NXPE2: variants seen among roughly 807,000 people sequenced by gnomAD.
NXPE2 encodes the protein NXPE family member 2.
NXPE2 carries 34 observed loss-of-function variants against 34.4 expected under a neutral mutation model. The observed-to-expected ratio is 0.99, with a 90% CI of 0.75 to 1.31. NXPE2 has a LOEUF of 1.31. NXPE2 is among the 40% of genes most tolerant of loss of function. The pLI is 0.00. For synonymous variants in NXPE2, 235 were observed against 231.3 expected, an observed-to-expected ratio of 1.02 and a Z score of -0.15; for missense variants, 649 against 672.5, an observed-to-expected ratio of 0.97 and a Z score of 0.39.
At chr11:114,721,411 G>A in the NXPE2 span, among the ~76,000 whole-genome samples, 1 of 152,130 alleles carries the variant, frequency 6.6e-6, no homozygotes, top group Non-Finnish European at 1.5e-5. Context: ...GTGTTGGTGG[G>A]TTTGTAACTA....
chr11:114,580,888 A>C, the NXPE2 span, among the ~76,000 whole-genome samples: 2 of 152,210 alleles, frequency 1.3e-5, no homozygotes, highest in African/African-American at 2.4e-5. Flanking sequence ...CCCCTCAGTC[A>C]CTGGTTTAGA....
chr11:114,730,720 T>C, the NXPE2 span, among the ~76,000 whole-genome samples: 1 of 152,152 alleles, frequency 6.6e-6, no homozygotes, highest in Non-Finnish European at 1.5e-5. Context: ...TGTATAGAAA[T>C]GTTACTGATT....
At chr11:114,658,431 G>A in the NXPE2 span, among the ~76,000 whole-genome samples, 2 of 152,128 alleles carry the variant, frequency 1.3e-5, no homozygotes, top group Non-Finnish European at 2.9e-5. Context: ...TCTTTGTTTT[G>A]GACCTCCACT....
chr11:114,488,614 TACATA>T, the NXPE2 span, among the ~76,000 whole-genome samples: 1 of 152,172 alleles, frequency 6.6e-6, no homozygotes, highest in Non-Finnish European at 1.5e-5. Context: ...GACTACTGGA[TACATA>T]ACGAAATGAA....
the NXPE2 span, among the ~76,000 whole-genome samples, chr11:114,496,858 GTTAC>G: frequency 5.3e-5 from 8 of 152,128 alleles, no homozygotes; most frequent in East Asian, 1.9e-4. Flanking sequence ...GTAGTGTAAT[GTTAC>G]TTACGTCTTT....
chr11:114,537,984 C>G, the NXPE2 span, among the ~76,000 whole-genome samples: 1 of 152,126 alleles, frequency 6.6e-6, no homozygotes, highest in Non-Finnish European at 1.5e-5. Context: ...AATCCTAAGC[C>G]AAAAGAACAA....
At position 114,698,674 on chromosome 11, in the gene NXPE2, CTGT is replaced by C. The variant is rs769169962; in HGVS notation, c.763_765del (p.Cys255del). ...ATGACAGAGACCAAGAAGCCTTCTA[CTGT>C]GTGAGGCCTCAACATATGCCCTGTG... On this transcript the variant is annotated inframe_deletion, in exon 3 of 6. Transcript: ENST00000389586. The C allele has an allele frequency of 1.9e-6, 3 of 1,614,094 alleles. No homozygotes were observed. The African/African-American group carries it at 4.0e-5, about 22-fold the overall frequency.
the NXPE2 span, among the ~76,000 whole-genome samples, chr11:114,580,947 G>A: frequency 8.8e-4 from 134 of 152,280 alleles, no homozygotes; most frequent in Non-Finnish European, 1.6e-3. Flanking sequence ...TGAGGAGCCC[G>A]TGGCAGGTTT....
At chr11:114,802,090 GA>G in the NXPE2 span, among the ~76,000 whole-genome samples, 1 of 152,178 alleles carries the variant, frequency 6.6e-6, no homozygotes, top group African/African-American at 2.4e-5. Flanking sequence ...GAACCTTGGG[GA>G]TGCCAAGATT....
the NXPE2 span, chr11:114,570,821 G>T: frequency 1.5e-6 from 1 of 665,198 alleles, no homozygotes; most frequent in Non-Finnish European, 2.5e-6. Context: ...CAGCCATAAT[G>T]TAGATTCTCT....
chr11:114,466,862 A>G, the NXPE2 span, among the ~76,000 whole-genome samples: 4 of 152,140 alleles, frequency 2.6e-5, no homozygotes, highest in Admixed American at 6.6e-5. Context: ...TGCAGGGGGA[A>G]GATGGTCATT....
chr11:114,618,192 G>A, the NXPE2 span, among the ~76,000 whole-genome samples: 1 of 152,020 alleles, frequency 6.6e-6, no homozygotes, highest in Non-Finnish European at 1.5e-5. Context: ...TGGATACTAA[G>A]TATTGCCTCA....
chr11:114,513,557 A>G, the NXPE2 span: 2 of 160,172 alleles, frequency 1.2e-5, no homozygotes, highest in Admixed American at 6.3e-5. Flanking sequence ...TTATTCATAT[A>G]TAACTACTGA....
At chr11:114,554,315 T>A in the NXPE2 span, 1 of 984,648 alleles carries the variant, frequency 1.0e-6, no homozygotes, top group Non-Finnish European at 1.2e-6. Flanking sequence ...GTGCCATACC[T>A]CCTCCAGGTT....
At chr11:114,551,778 G>C in the NXPE2 span, among the ~76,000 whole-genome samples, 1 of 152,050 alleles carries the variant, frequency 6.6e-6, no homozygotes, top group Non-Finnish European at 1.5e-5. Context: ...ATCCAATAAG[G>C]CTGGGCACTG....
chr11:114,598,881 G>A, the NXPE2 span, among the ~76,000 whole-genome samples: 1 of 152,134 alleles, frequency 6.6e-6, no homozygotes, highest in Non-Finnish European at 1.5e-5. Context: ...CCCTGTGGAA[G>A]CTACCAAGGC....
the NXPE2 span, among the ~76,000 whole-genome samples, chr11:114,608,948 T>C: frequency 6.6e-6 from 1 of 151,274 alleles, no homozygotes; most frequent in Non-Finnish European, 1.5e-5. Flanking sequence ...GTAACCACTG[T>C]TACCCTGTGG....
the NXPE2 span, among the ~76,000 whole-genome samples, chr11:114,785,849 T>C: frequency 3.9e-5 from 6 of 152,208 alleles, no homozygotes; most frequent in Non-Finnish European, 5.9e-5. Context: ...CAGGGCACCA[T>C]AAAGCAATTA....
chr11:114,633,573 A>G, the NXPE2 span, among the ~76,000 whole-genome samples: 1 of 151,490 alleles, frequency 6.6e-6, no homozygotes, highest in African/African-American at 2.4e-5. Context: ...TTGACTCGTC[A>G]TTTAGCATTA....
Sources: gnomAD v4.1 joint callset for allele counts (sites outside exome capture counted in the v4.1 genomes callset) on GRCh38, gnomAD v4.1.1 for gene constraint, MANE v1.5 for transcripts, NCBI Gene and HGNC (gene_info 2026-07-23, HGNC 2026-07-21) for gene names.